IGSF21: variants seen among roughly 807,000 people sequenced by gnomAD.
IGSF21 encodes the protein immunoglobulin superfamily member 21.
A neutral mutation model predicts 46.8 loss-of-function variants in IGSF21; 28 were observed. The ratio of observed to expected loss-of-function variants is 0.60; its 90% CI spans 0.44 to 0.82. IGSF21 has a LOEUF of 0.82. Among genes scored for constraint, IGSF21 ranks in the 40% least tolerant of loss-of-function variants. IGSF21 has a pLI of 0.00. For missense variants in IGSF21, 624 were observed against 665.5 expected (o/e 0.94, Z 0.69); for synonymous variants, 284 against 273.6 (o/e 1.04, Z -0.38).
At chr1:18,156,466 T>C (rs975712633) in intron 1 of IGSF21, among the ~76,000 whole-genome samples, 3 of 152,164 alleles carry the variant, frequency 2.0e-5, no homozygotes, top group African/African-American at 7.2e-5. Flanking sequence ...TCAAATGCAG[T>C]CCCCTGGCTC....
chr1:18,356,811 G>A (rs576589052), intron 4 of IGSF21, among the ~76,000 whole-genome samples: 3 of 152,178 alleles, frequency 2.0e-5, no homozygotes, highest in African/African-American at 7.2e-5. Flanking sequence ...GAGATTAAGT[G>A]TGGGGACAGG....
chr1:18,203,332 C>T (rs757067064), intron 1 of IGSF21, among the ~76,000 whole-genome samples: 19 of 151,988 alleles, frequency 1.3e-4, no homozygotes, highest in East Asian at 1.9e-4. Context: ...TGTTTGAGAC[C>T]GAGTCTCCCT....
rs113684099 is a variant in IGSF21, at chr1:18,365,382, G to A, written c.700G>A (p.Ala234Thr). Residue 234 changes from alanine to threonine, a missense_variant, in exon 6 of 10, where the codon GCC (alanine) becomes ACC (threonine). Physicochemically the swap from Ala to Thr is moderately conservative, Grantham distance 58. Coordinates refer to ENST00000251296, the MANE Select transcript of IGSF21 (RefSeq NM_032880.5). The surrounding 1 kb of genome is among the most constrained non-coding windows in gnomAD (Gnocchi z 4.8). ...GCAGAAGTCACTGTCCCTCCTGGAC[G>A]CCGAGAACCGGGGTGGGCGACCCTA... ...KMQKSLSLLD[A>T]ENRGGRPYTE... The A allele has an allele frequency of 2.4e-5, 39 of 1,613,950 alleles. 1 individual carries two copies. The highest frequency in any genetic ancestry group is 2.1e-4 in the South Asian group (19 of 91,044).
intron 1 of IGSF21, among the ~76,000 whole-genome samples, chr1:18,189,006 C>G (rs919348665): frequency 6.6e-6 from 1 of 152,164 alleles, no homozygotes; most frequent in African/African-American, 2.4e-5. Flanking sequence ...GCTGGCACTG[C>G]CCCTGGGCTC....
At chr1:18,139,535 C>T (rs1001580040) in intron 1 of IGSF21, among the ~76,000 whole-genome samples, 1 of 152,320 alleles carries the variant, frequency 6.6e-6, no homozygotes, top group Admixed American at 6.5e-5. Flanking sequence ...TTTTCACCAC[C>T]CTCTGCAGTG....
At chr1:18,376,510 C>G (rs1182960604) in intron 7 of IGSF21, 115 bp downstream of exon 7, 1 of 840,358 alleles carries the variant, frequency 1.2e-6, no homozygotes, top group East Asian at 2.5e-5. Flanking sequence ...CCAGCCACAT[C>G]CAGTGGGTTT....
chr1:18,264,731 C>A (rs141317113), intron 2 of IGSF21, among the ~76,000 whole-genome samples: 1 of 152,324 alleles, frequency 6.6e-6, no homozygotes, highest in Non-Finnish European at 1.5e-5. Flanking sequence ...AACCTCTGTT[C>A]TTCTAGGAAC....
At chr1:18,232,804 G>A (rs1192151651) in intron 2 of IGSF21, among the ~76,000 whole-genome samples, 3 of 152,226 alleles carry the variant, frequency 2.0e-5, no homozygotes, top group South Asian at 2.1e-4. Flanking sequence ...GCTATAATGT[G>A]CACCTGTTGA....
intron 2 of IGSF21, among the ~76,000 whole-genome samples, chr1:18,285,259 T>A (rs1298443660): frequency 1.3e-5 from 2 of 152,084 alleles, no homozygotes; most frequent in Non-Finnish European, 2.9e-5. Flanking sequence ...GTTGGAGACT[T>A]ATTTGTTTTT....
At chr1:18,171,125 A>C (rs2086732520) in intron 1 of IGSF21, among the ~76,000 whole-genome samples, 1 of 152,018 alleles carries the variant, frequency 6.6e-6, no homozygotes, top group Non-Finnish European at 1.5e-5. Flanking sequence ...GTCTTGTAGC[A>C]TGCTGGCCTC....
intron 1 of IGSF21, among the ~76,000 whole-genome samples, chr1:18,217,452 C>T (rs372269072): frequency 2.5e-4 from 38 of 152,198 alleles, no homozygotes; most frequent in African/African-American, 8.4e-4. Flanking sequence ...AGAGATGTGG[C>T]GGAACAAATT....
chr1:18,225,128 C>CACACAA (rs2084552696), intron 1 of IGSF21, among the ~76,000 whole-genome samples: 2 of 141,222 alleles, frequency 1.4e-5, no homozygotes, highest in African/African-American at 5.0e-5. Flanking sequence ...CACACACACA[C>CACACAA]AAAGAAATCA....
intron 1 of IGSF21, among the ~76,000 whole-genome samples, chr1:18,161,352 T>A (rs1321994704): frequency 6.6e-6 from 1 of 152,148 alleles, no homozygotes; most frequent in East Asian, 1.9e-4. Context: ...CTTGCGGGGA[T>A]GGTGCTGTGA....
chr1:18,363,379 C>G (rs4920316), intron 5 of IGSF21, among the ~76,000 whole-genome samples: 109,918 of 151,986 alleles, frequency 0.72, 39,876 homozygotes, highest in East Asian at 0.75. Flanking sequence ...CCCTGCCTTG[C>G]GACCTGGGGC....
chr1:18,318,715 C>T (rs896895493), intron 3 of IGSF21, among the ~76,000 whole-genome samples: 1 of 152,168 alleles, frequency 6.6e-6, no homozygotes, highest in African/African-American at 2.4e-5. Context: ...GCTTACAAAC[C>T]AGGGACTCAC....
chr1:18,239,329 C>G (rs1404889362), intron 2 of IGSF21, among the ~76,000 whole-genome samples: 2 of 152,182 alleles, frequency 1.3e-5, no homozygotes, highest in African/African-American at 2.4e-5. Flanking sequence ...TTCTCCCCTC[C>G]TCTCCCCACA....
chr1:18,287,195 AAAT>A (rs2085222009), intron 2 of IGSF21, among the ~76,000 whole-genome samples: 3 of 9,960 alleles, frequency 3.0e-4, no homozygotes, highest in African/African-American at 4.3e-4. Flanking sequence ...AAAAAAAATA[AAAT>A]AAATAAATAA....
intron 1 of IGSF21, among the ~76,000 whole-genome samples, chr1:18,124,807 C>A (rs1162676474): frequency 6.6e-6 from 1 of 152,222 alleles, no homozygotes. Context: ...AAGGGCTTTA[C>A]TTAAACAATG....
chr1:18,247,837 A>C (rs148470811), intron 2 of IGSF21, among the ~76,000 whole-genome samples: 500 of 152,266 alleles, frequency 3.3e-3, no homozygotes, highest in African/African-American at 0.011. Context: ...ACAGAAAGGC[A>C]ATCATTTGCT....
Sources: allele counts gnomAD v4.1 joint callset (sites outside exome capture counted in the v4.1 genomes callset), GRCh38; gene constraint gnomAD v4.1.1; non-coding constraint Gnocchi (gnomAD v3.1); transcripts MANE v1.5; gene names NCBI Gene and HGNC (gene_info 2026-07-23, HGNC 2026-07-21).